Variants in TNR observed in about 807,000 individuals in gnomAD.
TNR encodes the protein tenascin-R.
Under a neutral mutation model 150.4 loss-of-function variants are expected in TNR, and 45 were observed. The observed-to-expected ratio is 0.30, with a 90% CI of 0.24 to 0.38. The LOEUF is 0.38. Ranked by LOEUF, TNR falls within the 10% of genes least tolerant of loss-of-function variation. The pLI, the probability that TNR is intolerant of heterozygous loss-of-function variation, is 1.00. For synonymous variants in TNR, 687 were observed against 678.4 expected, an observed-to-expected ratio of 1.01 and a Z score of -0.20; for missense variants, 1,544 against 1,759.1, an observed-to-expected ratio of 0.88 and a Z score of 2.19.
chr1:175,339,506 C>T (rs75693091), intron 18 of TNR, among the ~76,000 whole-genome samples: 418 of 152,320 alleles, frequency 2.7e-3, no homozygotes, highest in African/African-American at 9.5e-3. Flanking sequence ...TGAGCTGTCT[C>T]TGTCTCCTTC....
chr1:175,395,287 T>C (rs6691883), intron 5 of TNR, among the ~76,000 whole-genome samples: 30,771 of 152,016 alleles, frequency 0.2, 3,219 homozygotes, highest in Middle Eastern at 0.29. Flanking sequence ...GCTAAATCTT[T>C]CTACCTTGAC....
At chr1:175,340,179 T>C (rs560770574) in intron 18 of TNR, among the ~76,000 whole-genome samples, 2 of 152,138 alleles carry the variant, frequency 1.3e-5, no homozygotes, top group Non-Finnish European at 2.9e-5. Context: ...GGAAGGACCA[T>C]GCTTTCTTCC....
intron 1 of TNR, among the ~76,000 whole-genome samples, chr1:175,650,062 A>G (rs1301196044): frequency 6.6e-6 from 1 of 152,194 alleles, no homozygotes; most frequent in Admixed American, 6.5e-5. Flanking sequence ...TGCTGTTCAA[A>G]CTGGGATTAG....
intron 1 of TNR, among the ~76,000 whole-genome samples, chr1:175,564,372 G>T (rs1189156527): frequency 6.6e-6 from 1 of 152,220 alleles, no homozygotes; most frequent in Non-Finnish European, 1.5e-5. Flanking sequence ...CTTTCCTGGG[G>T]CCTTTTGTGG....
intron 4 of TNR, among the ~76,000 whole-genome samples, 177 bp from the exon 5 acceptor site, chr1:175,396,984 T>TA (rs1653458382): frequency 6.6e-6 from 1 of 152,202 alleles, no homozygotes; most frequent in African/African-American, 2.4e-5. Flanking sequence ...TTTTGGTGCT[T>TA]AGTACCCCAA....
At chr1:175,354,856 T>C (rs1226398738) in intron 17 of TNR, among the ~76,000 whole-genome samples, 1 of 152,238 alleles carries the variant, frequency 6.6e-6, no homozygotes, top group Non-Finnish European at 1.5e-5. Context: ...CTTACTTCTA[T>C]CAAGCAGACT....
rs1648883285 is a variant in TNR, at chr1:175,317,741, C to CTTTA, written c.*5612_*5615dup. ...AGAGTTAAATGTTTTTGAACTGGAA[C>CTTTA]TTTAGCATTAGCCTGGCTTCATGGC... On this transcript the variant is annotated 3_prime_UTR_variant, in exon 23 of 23. Transcript: ENST00000367674. The CTTTA allele has an allele frequency of 6.6e-6, 1 of 152,214 alleles. No individual in the cohort carries two copies. The highest frequency in any genetic ancestry group is 1.5e-5 in the Non-Finnish European group (1 of 68,054). The allele number at this position is 152,214 out of a possible 1,614,324, so 9.4% of individuals were successfully genotyped here.
Position 175,330,272 on chromosome 1 carries a change from C to T in TNR, c.3632-37G>A, listed in dbSNP as rs187268002. 127 of 1,460,666 alleles carry T rather than the reference C, an allele frequency of 8.7e-5. No homozygotes were observed. The African/African-American group carries it at 1.5e-3, about 17-fold the overall frequency. 90.5% of individuals were successfully genotyped at this position (1,460,666 alleles called of 1,614,324 possible). On this transcript the variant is annotated intron_variant, in intron 20 of 22. Transcript: ENST00000367674. ...AGCAGAAAATGCACTGAGACTGGCCCCCAGCAGCTTTGGAAAATGGGAGGG... is the reference window on the plus strand; with the variant it reads ...AGCAGAAAATGCACTGAGACTGGCCTCCAGCAGCTTTGGAAAATGGGAGGG...
intron 1 of TNR, among the ~76,000 whole-genome samples, chr1:175,531,257 A>G: frequency 6.6e-6 from 1 of 152,226 alleles, no homozygotes; most frequent in South Asian, 2.1e-4. Context: ...CGTGAACCCC[A>G]TATACTGGCC....
At chr1:175,597,804 G>C (rs903659326) in intron 1 of TNR, among the ~76,000 whole-genome samples, 2 of 152,210 alleles carry the variant, frequency 1.3e-5, no homozygotes, top group Non-Finnish European at 2.9e-5. Context: ...ACAGATGGCA[G>C]TTAGGGAAGA....
chr1:175,537,595 A>G (rs1331352056), intron 1 of TNR, among the ~76,000 whole-genome samples: 1 of 152,232 alleles, frequency 6.6e-6, no homozygotes, highest in Non-Finnish European at 1.5e-5. Context: ...TTTGCTTGAT[A>G]TCATCATCTC....
At position 175,418,653 on chromosome 1, in the gene TNR, G is replaced by A. The variant is rs565369595; in HGVS notation, c.-63-11876C>T. On this transcript the variant is annotated intron_variant, in intron 2 of 22. Coordinates refer to ENST00000367674, the MANE Select transcript of TNR (RefSeq NM_003285.3). ...ATGAGAGAATTGCTTGAACCCGGGA[G>A]GCGGAGGTTGCAGTGAGCCGAGATT... 5.3e-5 allele frequency among the ~76,000 whole-genome samples: 8 copies of A among 152,192 alleles called. No individual in the cohort carries two copies. In the South Asian group the frequency reaches 1.2e-3, roughly 24 times the overall value.
intron 1 of TNR, among the ~76,000 whole-genome samples, chr1:175,658,957 T>C (rs963261769): frequency 7.2e-5 from 11 of 152,150 alleles, no homozygotes; most frequent in Non-Finnish European, 1.0e-4. Context: ...CCAGAGGAAG[T>C]TGGCAAATAT....
intron 1 of TNR, among the ~76,000 whole-genome samples, chr1:175,711,731 A>G (rs1667022851): frequency 6.6e-6 from 1 of 152,186 alleles, no homozygotes; most frequent in Non-Finnish European, 1.5e-5. Context: ...AGACGTGGAA[A>G]CAGGACTTAA....
intron 1 of TNR, among the ~76,000 whole-genome samples, chr1:175,691,640 C>T (rs922326964): frequency 6.6e-6 from 1 of 152,068 alleles, no homozygotes; most frequent in African/African-American, 2.4e-5. Context: ...CCTTTTTCAG[C>T]CCCAAACTTG....
intron 1 of TNR, among the ~76,000 whole-genome samples, chr1:175,538,273 C>G (rs1660371551): frequency 6.6e-6 from 1 of 152,128 alleles, no homozygotes; most frequent in African/African-American, 2.4e-5. Context: ...TACAAGGCCA[C>G]TGTCTTTTCG....
At chr1:175,730,572 G>A (rs1392235799) in intron 1 of TNR, among the ~76,000 whole-genome samples, 1 of 152,148 alleles carries the variant, frequency 6.6e-6, no homozygotes, top group Non-Finnish European at 1.5e-5. Context: ...AAACCCATTT[G>A]TTCATTCACT....
chr1:175,625,935 T>A (rs1344494955), intron 1 of TNR, among the ~76,000 whole-genome samples: 5 of 150,854 alleles, frequency 3.3e-5, no homozygotes, highest in Non-Finnish European at 7.4e-5. Flanking sequence ...GAATTGTATC[T>A]CCCAGAATTC....
chr1:175,442,071 A>G (rs1177941167), intron 2 of TNR, among the ~76,000 whole-genome samples: 1 of 152,164 alleles, frequency 6.6e-6, no homozygotes, highest in African/African-American at 2.4e-5. Context: ...TGTGGTTTCA[A>G]TCTGCAGAGG....
Sources: gnomAD v4.1 joint callset for allele counts (sites outside exome capture counted in the v4.1 genomes callset) on GRCh38, gnomAD v4.1.1 for gene constraint, MANE v1.5 for transcripts, NCBI Gene and HGNC (gene_info 2026-07-23, HGNC 2026-07-21) for gene names.